Variants in PRPS2 observed in about 807,000 individuals in gnomAD.
PRPS2 encodes phosphoribosyl pyrophosphate synthetase 2.
For missense variants in PRPS2, 104 were observed against 271.5 expected (o/e 0.38, Z 4.34); for synonymous variants, 111 against 115.3 (o/e 0.96, Z 0.24).
At chrX:12,807,236 A>C in intron 2 of PRPS2, among the ~76,000 whole-genome samples, 1 of 111,845 alleles carries the variant, frequency 8.9e-6, no homozygotes, top group East Asian at 2.8e-4. Flanking sequence ...TATAAGACAG[A>C]AGGGCAAGTT....
intron 2 of PRPS2, among the ~76,000 whole-genome samples, chrX:12,803,006 G>A (rs999077168): frequency 1.8e-5 from 2 of 112,353 alleles, no homozygotes; most frequent in Non-Finnish European, 3.8e-5. Context: ...AGGAATCACG[G>A]TGGGGTGTAT....
At chrX:12,801,012 A>T (rs2042566466) in intron 2 of PRPS2, among the ~76,000 whole-genome samples, 1 of 112,562 alleles carries the variant, frequency 8.9e-6, no homozygotes, top group Non-Finnish European at 1.9e-5. Context: ...AACTTTATTT[A>T]TGGACACTGA....
intron 2 of PRPS2, among the ~76,000 whole-genome samples, chrX:12,803,804 G>C (rs2042581087): frequency 8.9e-6 from 1 of 112,312 alleles, no homozygotes; most frequent in Non-Finnish European, 1.9e-5. Flanking sequence ...TCACTGATGT[G>C]TTAAGAGACG....
At position 12,819,654 on chromosome X, in the gene PRPS2, C is replaced by T. The variant is rs746661721; in HGVS notation, c.678C>T (p.Cys226=). The change falls in exon 5 of 7, where the codon TGC becomes TGT. Residue 226 remains cysteine (C), a synonymous_variant. Transcript: ENST00000380668. ...TCGTGGATGACATGGCTGACACTTG[C>T]GGCACCATCTGCCATGCTGCGGACA... The part of the protein sequence containing the change: ...AILVDDMADT[C]GTICHAADKL... 4.1e-6 allele frequency: 5 copies of T among 1,210,137 alleles called. No individual in the cohort carries two copies. Among genetic ancestry groups the T allele is most frequent in the Non-Finnish European group, 4.5e-6 (4 of 894,633 alleles).
chrX:12,804,516 G>A (rs953938508), intron 2 of PRPS2, among the ~76,000 whole-genome samples: 1 of 111,043 alleles, frequency 9.0e-6, no homozygotes, highest in Non-Finnish European at 1.9e-5. Context: ...ACGTGGCTTG[G>A]CTTTGTACTG....
intron 4 of PRPS2, among the ~76,000 whole-genome samples, chrX:12,811,695 G>T (rs1056137673): frequency 1.8e-5 from 2 of 111,907 alleles, no homozygotes; most frequent in African/African-American, 6.5e-5. Flanking sequence ...CCCTCATTTG[G>T]CACCCTCATC....
chrX:12,802,203 C>T, intron 2 of PRPS2, among the ~76,000 whole-genome samples: 1 of 111,391 alleles, frequency 9.0e-6, no homozygotes, highest in African/African-American at 3.3e-5. Flanking sequence ...CTGTTTTTTC[C>T]CAATCCTTCT....
At chrX:12,802,886 T>C (rs1402637924) in intron 2 of PRPS2, among the ~76,000 whole-genome samples, 2 of 112,162 alleles carry the variant, frequency 1.8e-5, no homozygotes, top group African/African-American at 6.5e-5. Context: ...AGAGAGGTCT[T>C]TCATCATCAA....
intron 4 of PRPS2, among the ~76,000 whole-genome samples, chrX:12,813,225 A>C (rs759239918): frequency 9.0e-6 from 1 of 110,590 alleles, no homozygotes; most frequent in Non-Finnish European, 1.9e-5. Context: ...TTTCTGAAAA[A>C]CTCACTTGCT....
intron 2 of PRPS2, among the ~76,000 whole-genome samples, chrX:12,805,248 C>T (rs1330024489): frequency 8.9e-6 from 1 of 112,464 alleles, no homozygotes; most frequent in East Asian, 2.8e-4. Flanking sequence ...CACTGAGAAT[C>T]AAGTAGGCTC....
At chrX:12,809,156 T>C (rs774339637) in intron 2 of PRPS2, 78 bp from the exon 3 acceptor site, 32 of 914,731 alleles carry the variant, frequency 3.5e-5, no homozygotes, top group Middle Eastern at 5.5e-4. Context: ...TGATTTATCC[T>C]TCTCATGTAC....
chrX:12,821,449 G>A (rs2042675420), intron 6 of PRPS2, among the ~76,000 whole-genome samples: 1 of 109,237 alleles, frequency 9.2e-6, no homozygotes, highest in Non-Finnish European at 1.9e-5. Flanking sequence ...AGGGTCTGGG[G>A]GTGGGGGGGG....
rs955711055 is a variant in PRPS2 at position 12,793,276 on chromosome X, C to G, written c.122+1657C>G. ...GTACTCAGTGCAGCATGATCTTTTG[C>G]TAAGGAGCATGGTTAATCTAGATCA... On this transcript the variant is annotated intron_variant, in intron 1 of 6. Transcript: ENST00000380668. 3.9e-4 allele frequency among the ~76,000 whole-genome samples: 44 copies of G among 112,525 alleles called. No individual in the cohort carries two copies. In the Admixed American group the frequency reaches 3.9e-3, roughly 10 times the overall value.
At chrX:12,815,341 T>C (rs1383401487) in intron 4 of PRPS2, among the ~76,000 whole-genome samples, 2 of 110,557 alleles carry the variant, frequency 1.8e-5, no homozygotes, top group African/African-American at 3.3e-5. Flanking sequence ...AGCAGGCTCG[T>C]GAGAACAGGC....
chrX:12,821,758 G>C (rs1304549986), intron 6 of PRPS2, among the ~76,000 whole-genome samples: 4 of 112,378 alleles, frequency 3.6e-5, no homozygotes, highest in Middle Eastern at 4.2e-3. Flanking sequence ...GCTGAGCTGA[G>C]GATCTTCAGA....
At chrX:12,795,681 T>C (rs2042539536) in intron 1 of PRPS2, among the ~76,000 whole-genome samples, 1 of 112,307 alleles carries the variant, frequency 8.9e-6, no homozygotes, top group Non-Finnish European at 1.9e-5. Context: ...CTAGCAATGA[T>C]GACGTTAATC....
At chrX:12,807,334 G>A in intron 2 of PRPS2, among the ~76,000 whole-genome samples, 1 of 112,228 alleles carries the variant, frequency 8.9e-6, no homozygotes, top group Middle Eastern at 4.6e-3. Flanking sequence ...CCTTTTAAAG[G>A]CCCCACTTCT....
intron 2 of PRPS2, among the ~76,000 whole-genome samples, chrX:12,805,063 A>G (rs973853824): frequency 8.9e-6 from 1 of 112,336 alleles, no homozygotes; most frequent in Non-Finnish European, 1.9e-5. Context: ...GCACATATGT[A>G]ACATTTTATT....
At chrX:12,814,889 T>A (rs2042639910) in intron 4 of PRPS2, among the ~76,000 whole-genome samples, 1 of 112,312 alleles carries the variant, frequency 8.9e-6, no homozygotes, top group Admixed American at 9.4e-5. Flanking sequence ...CTATGAATAA[T>A]TTGGTGTACT....
Sources: allele counts gnomAD v4.1 joint callset (sites outside exome capture counted in the v4.1 genomes callset), GRCh38; gene constraint gnomAD v4.1.1; transcripts MANE v1.5; gene names NCBI Gene and HGNC (gene_info 2026-07-23, HGNC 2026-07-21).